The following WDR20 variants were observed in gnomAD, a reference collection of about 807,000 sequenced individuals.
WDR20 encodes WD repeat domain 20.
WDR20 carries 3 observed loss-of-function variants against 38.7 expected under a neutral mutation model. That is an observed-to-expected ratio of 0.08 (90% CI 0.04 to 0.20). WDR20 has a LOEUF of 0.20. WDR20 is among the 10% of genes least tolerant of loss of function. The pLI is 1.00. For synonymous variants in WDR20, 298 were observed against 285.6 expected (o/e 1.04, Z -0.44); for missense variants, 559 against 727.7 (o/e 0.77, Z 2.67).
At chr14:102,187,572 A>C (rs922801254) in intron 1 of WDR20, among the ~76,000 whole-genome samples, 2 of 152,138 alleles carry the variant, frequency 1.3e-5, no homozygotes, top group African/African-American at 2.4e-5. Flanking sequence ...GGGGGTGATA[A>C]GGCCACATTG....
intron 1 of WDR20, among the ~76,000 whole-genome samples, chr14:102,179,756 T>C (rs1452452991): frequency 1.3e-5 from 2 of 152,210 alleles, no homozygotes; most frequent in African/African-American, 2.4e-5. Flanking sequence ...TTAACTTTTA[T>C]TTTTTAAATG....
rs1023925483 is a variant in WDR20 at position 102,139,912 on chromosome 14, C to T, written c.-12C>T. 1 of 1,611,560 alleles carries T rather than the reference C, an allele frequency of 6.2e-7. No individual in the cohort carries two copies. On this transcript the variant is annotated 5_prime_UTR_variant, in exon 1 of 3. Coordinates refer to ENST00000342702, the MANE Select transcript of WDR20 (RefSeq NM_144574.4). ...CCGGGCACTTAGGGCAGGATGAACG[C>T]TGCTTTCCAAGATGGCGACGGAGGG...
At chr14:102,139,489 C>A, upstream of WDR20, 1 of 1,392,118 alleles carries the variant, frequency 7.2e-7, no homozygotes, top group South Asian at 1.4e-5. Flanking sequence ...TTTGGGGTCC[C>A]GGCGCCCCTC....
At chr14:102,150,092 AG>A (rs1201504620) in intron 1 of WDR20, among the ~76,000 whole-genome samples, 2 of 152,254 alleles carry the variant, frequency 1.3e-5, no homozygotes, top group Non-Finnish European at 2.9e-5. Context: ...TTGTATCAAT[AG>A]GAAAATAGCT....
intron 1 of WDR20, among the ~76,000 whole-genome samples, chr14:102,169,810 G>A (rs2060465416): frequency 6.6e-6 from 1 of 152,208 alleles, no homozygotes; most frequent in African/African-American, 2.4e-5. Flanking sequence ...TTACAGGAGT[G>A]AGCCACCGCG....
chr14:102,199,938 C>G (rs1190285394), intron 2 of WDR20, among the ~76,000 whole-genome samples: 1 of 152,250 alleles, frequency 6.6e-6, no homozygotes, highest in Non-Finnish European at 1.5e-5. Context: ...TGTTGACTTT[C>G]ACAGTCTGTG....
At chr14:102,185,951 C>T (rs944565012) in intron 1 of WDR20, among the ~76,000 whole-genome samples, 1 of 152,026 alleles carries the variant, frequency 6.6e-6, no homozygotes, top group Non-Finnish European at 1.5e-5. Flanking sequence ...CAGTGATAAC[C>T]TTCTGTGTGC....
intron 1 of WDR20, among the ~76,000 whole-genome samples, chr14:102,188,297 C>T (rs2065379007): frequency 6.6e-6 from 1 of 152,184 alleles, no homozygotes; most frequent in Non-Finnish European, 1.5e-5. Flanking sequence ...CCTACTGAGG[C>T]CCACTAAGTT....
At chr14:102,182,850 A>G (rs941379909) in intron 1 of WDR20, among the ~76,000 whole-genome samples, 2 of 152,140 alleles carry the variant, frequency 1.3e-5, no homozygotes, top group African/African-American at 4.8e-5. Context: ...AAATAAATAT[A>G]TGGCCCAAAC....
rs1296824515 is a variant in WDR20, at chr14:102,221,777, G to C, written c.1693-1053G>C. Among the ~76,000 whole-genome samples the C allele has an allele frequency of 6.6e-6, 1 of 152,200 alleles. No individual in the cohort carries two copies. The highest frequency in any genetic ancestry group is 1.5e-5 in the Non-Finnish European group (1 of 68,044). ...GTCACCTTCATTTGTGTCCACACAA[G>C]TCCAATATGTGAGAAGGTAGCAATG... On this transcript the variant is annotated intron_variant, in intron 3 of 3. Transcript: ENST00000335263. The surrounding 1 kb of genome is among the most constrained non-coding windows in gnomAD (Gnocchi z 4.8).
In WDR20 at chr14:102,220,824, G is replaced by A. The variant is rs1266794417; in HGVS notation, c.1693-2006G>A. Among the ~76,000 whole-genome samples, 5 of 151,730 alleles carry A rather than the reference G, an allele frequency of 3.3e-5. No homozygotes were observed. Among genetic ancestry groups the A allele is most frequent in the Non-Finnish European group, 7.4e-5 (5 of 67,914 alleles). ...GTCTTGCTCTATCCCCCAGGCTGGA[G>A]TGCAGTGGATCGCGGCTCATTGCAC... On this transcript the variant is annotated intron_variant, in intron 3 of 3. Coordinates refer to the WDR20 transcript ENST00000335263. This position sits in a 1 kb window ranked among gnomAD's most constrained non-coding sequence, Gnocchi z 4.2.
intron 1 of WDR20, among the ~76,000 whole-genome samples, chr14:102,171,973 CA>C (rs973413113): frequency 6.7e-6 from 1 of 148,352 alleles, no homozygotes; most frequent in African/African-American, 2.5e-5. Context: ...AGGGATTTGG[CA>C]GGGTCATATG....
intron 1 of WDR20, among the ~76,000 whole-genome samples, chr14:102,182,264 T>C (rs2063530992): frequency 6.6e-6 from 1 of 152,212 alleles, no homozygotes; most frequent in Non-Finnish European, 1.5e-5. Context: ...TTTGCCACTG[T>C]AGCAAATTAA....
chr14:102,153,294 G>A lies in WDR20; in HGVS notation c.249+13122G>A, dbSNP rs1038632289. On this transcript the variant is annotated intron_variant, in intron 1 of 2. Coordinates refer to ENST00000342702, the MANE Select transcript of WDR20 (RefSeq NM_144574.4). ...GTAGAGGTTGCAGAACCATGAGCCA[G>A]TGAAACCTCTTTCTTTTTTTTTTTT... 1.2e-4 allele frequency among the ~76,000 whole-genome samples: 17 copies of A among 145,736 alleles called. No individual in the cohort carries two copies. In the East Asian group the frequency reaches 2.5e-3, roughly 21 times the overall value.
Position 102,162,126 on chromosome 14 carries a change from C to G in WDR20, c.249+21954C>G, listed in dbSNP as rs138112841. Among the ~76,000 whole-genome samples the G allele has an allele frequency of 1.4e-3, 214 of 152,274 alleles. 5 individuals are homozygous for G. The highest frequency in any genetic ancestry group is 6.8e-3 in the Middle Eastern group (2 of 294). ...ATATTGGATAAGCGAGTAAGAAATG[C>G]AAACTACACTGAGGTCTTGCACTGG... On this transcript the variant is annotated intron_variant, in intron 1 of 2. Transcript: ENST00000342702.
At position 102,208,943 on chromosome 14, in the gene WDR20, T is replaced by C. The variant is rs2062046708; in HGVS notation, c.773T>C (p.Met258Thr). 6.2e-7 allele frequency: 1 copy of C among 1,614,198 alleles called. No homozygotes were observed. The highest frequency in any genetic ancestry group is 1.7e-5 in the Admixed American group (1 of 60,022). ...NFDSVELHGTMKSYFGGLLCV... is the reference protein window; with the variant it reads ...NFDSVELHGTTKSYFGGLLCV... ...GACTCAGTGGAGCTGCACGGTACGA[T>C]GAAAAGCTACTTTGGGGGCTTGCTG... The change falls in exon 3 of 3, where the codon ATG (methionine) becomes ACG (threonine). Residue 258 changes from methionine to threonine, a missense_variant. Coordinates refer to ENST00000342702, the MANE Select transcript of WDR20 (RefSeq NM_144574.4). This position sits in a 1 kb window ranked among gnomAD's most constrained non-coding sequence, Gnocchi z 5.6.
At chr14:102,213,012 C>T, downstream of WDR20, 1 of 990,808 alleles carries the variant, frequency 1.0e-6, no homozygotes, top group Non-Finnish European at 1.2e-6. Flanking sequence ...CTGGAGAATC[C>T]CGCTCCCACC....
chr14:102,215,117 A>G (rs1388200736), downstream of WDR20: 3 of 480,966 alleles, frequency 6.2e-6, no homozygotes, highest in Non-Finnish European at 8.1e-6. Context: ...TAATGTTTAT[A>G]GAACAGCCAG....
downstream of WDR20, chr14:102,212,469 ACCACTCTGTGT>A: frequency 6.5e-7 from 1 of 1,532,386 alleles, no homozygotes. Context: ...GCAGGGCGAC[ACCACTCTGTGT>A]CCACTCTGCC....
Sources: gnomAD v4.1 joint callset for allele counts (sites outside exome capture counted in the v4.1 genomes callset) on GRCh38, gnomAD v4.1.1 for gene constraint, Gnocchi (gnomAD v3.1) non-coding constraint, MANE v1.5 for transcripts, NCBI Gene and HGNC (gene_info 2026-07-23, HGNC 2026-07-21) for gene names.